SPIDR: variants seen among roughly 807,000 people sequenced by gnomAD.
The protein encoded by SPIDR is scaffold protein involved in DNA repair.
SPIDR carries 93 observed loss-of-function variants against 104.6 expected under a neutral mutation model. That is an observed-to-expected ratio of 0.89 (90% CI 0.75 to 1.06). SPIDR has a LOEUF of 1.06. SPIDR is among the 50% of genes least tolerant of loss of function. The pLI, the probability that SPIDR is intolerant of heterozygous loss-of-function variation, is 0.00. For synonymous variants in SPIDR, 431 were observed against 416.9 expected (o/e 1.03, Z -0.41); for missense variants, 1,154 against 1,111.2 (o/e 1.04, Z -0.55).
At chr8:47,327,583 G>T (rs2047903360) in intron 5 of SPIDR, among the ~76,000 whole-genome samples, 1 of 151,808 alleles carries the variant, frequency 6.6e-6, no homozygotes, top group Non-Finnish European at 1.5e-5. Context: ...TCCCCCTCGA[G>T]GCAGAGTCCT....
At position 47,434,111 on chromosome 8, in the gene SPIDR, A is replaced by G. The variant is rs541179266; in HGVS notation, c.878-6212A>G. On this transcript the variant is annotated intron_variant, in intron 7 of 19. Transcript: ENST00000297423. Reference sequence around the variant, plus strand: ...CTATTTCAAAAATAGTAAAATGTACACTGAATATATAGCATGGTAGTTTGG... The same window carrying G: ...CTATTTCAAAAATAGTAAAATGTACGCTGAATATATAGCATGGTAGTTTGG... Among the ~76,000 whole-genome samples, 4 of 152,352 alleles carry G rather than the reference A, an allele frequency of 2.6e-5. No individual in the cohort carries two copies. The South Asian group carries it at 8.3e-4, about 32-fold the overall frequency.
chr8:47,274,578 A>AT (rs199833655), intron 1 of SPIDR, among the ~76,000 whole-genome samples: 169 of 144,910 alleles, frequency 1.2e-3, no homozygotes, highest in East Asian at 1.8e-3. Context: ...TTTCCTCAGA[A>AT]TTTTTTTTTT....
chr8:47,430,959 A>G (rs2067256572), intron 7 of SPIDR, among the ~76,000 whole-genome samples: 1 of 152,202 alleles, frequency 6.6e-6, no homozygotes, highest in African/African-American at 2.4e-5. Context: ...ATGGCTGGTC[A>G]TCAGTGTCAG....
intron 5 of SPIDR, among the ~76,000 whole-genome samples, chr8:47,296,960 A>G (rs1403299579): frequency 5.3e-5 from 8 of 152,246 alleles, no homozygotes; most frequent in Non-Finnish European, 8.8e-5. Context: ...GCCTCCTTAA[A>G]TTTACTTCTA....
intron 5 of SPIDR, among the ~76,000 whole-genome samples, chr8:47,299,133 G>C (rs2041516051): frequency 6.6e-6 from 1 of 152,130 alleles, no homozygotes; most frequent in South Asian, 2.1e-4. Context: ...ATTTCATTGA[G>C]CAGTGGTTTG....
chr8:47,424,317 T>C (rs932835303), intron 7 of SPIDR, among the ~76,000 whole-genome samples: 4 of 152,184 alleles, frequency 2.6e-5, no homozygotes, highest in African/African-American at 4.8e-5. Flanking sequence ...TGTTCTTTTA[T>C]TTTTTTGAGT....
intron 4 of SPIDR, among the ~76,000 whole-genome samples, chr8:47,291,470 A>G (rs2039892511): frequency 6.6e-6 from 1 of 152,306 alleles, no homozygotes; most frequent in South Asian, 2.1e-4. Flanking sequence ...ACATGCAATT[A>G]CCATATAGCC....
chr8:47,336,488 G>T (rs1419905661), intron 5 of SPIDR, among the ~76,000 whole-genome samples: 1 of 152,116 alleles, frequency 6.6e-6, no homozygotes, highest in Non-Finnish European at 1.5e-5. Context: ...TTAGGTAGCA[G>T]GAAAAAATGT....
intron 7 of SPIDR, among the ~76,000 whole-genome samples, chr8:47,424,567 C>A (rs1354047833): frequency 6.6e-6 from 1 of 152,200 alleles, no homozygotes; most frequent in Non-Finnish European, 1.5e-5. Flanking sequence ...AACCTCCCTT[C>A]TCAGTCTCCC....
chr8:47,312,432 T>C (rs1252002246), intron 5 of SPIDR, among the ~76,000 whole-genome samples: 3 of 152,252 alleles, frequency 2.0e-5, no homozygotes, highest in African/African-American at 7.2e-5. Flanking sequence ...TGAGATGGTA[T>C]CTCATTATGG....
intron 8 of SPIDR, among the ~76,000 whole-genome samples, chr8:47,552,870 A>G (rs921990377): frequency 3.3e-5 from 5 of 152,092 alleles, no homozygotes; most frequent in Non-Finnish European, 7.4e-5. Flanking sequence ...GGTCTTTACA[A>G]TTTGGCATGT....
Position 47,451,631 on chromosome 8 carries a change from T to A in SPIDR, c.1097+11089T>A, listed in dbSNP as rs902771768. On this transcript the variant is annotated intron_variant, in intron 8 of 19. Coordinates refer to ENST00000297423, the MANE Select transcript of SPIDR (RefSeq NM_001080394.4). ...ACACTAGAAAGATTCCACAGAAGAT[T>A]TGAGGAGGCAGAACACAGGCTCATT... Among the ~76,000 whole-genome samples the A allele has an allele frequency of 2.0e-5, 3 of 151,048 alleles. No homozygotes were observed. The East Asian group carries it at 5.8e-4, about 29-fold the overall frequency.
intron 7 of SPIDR, among the ~76,000 whole-genome samples, chr8:47,423,652 T>C (rs1339658967): frequency 1.3e-5 from 2 of 152,092 alleles, no homozygotes; most frequent in African/African-American, 4.8e-5. Flanking sequence ...GCACAGATGT[T>C]GCACCCAAAG....
intron 10 of SPIDR, among the ~76,000 whole-genome samples, chr8:47,599,801 T>G (rs985434246): frequency 6.6e-6 from 1 of 152,208 alleles, no homozygotes; most frequent in Admixed American, 6.5e-5. Flanking sequence ...CAGAGAGGTT[T>G]GTTTGTTTAC....
rs149990202 is a variant in SPIDR at position 47,698,370 on chromosome 8, C to T, written c.1686-2033C>T. Among the ~76,000 whole-genome samples the T allele has an allele frequency of 6.6e-4, 100 of 152,294 alleles. 1 individual carries two copies. The East Asian group carries it at 0.018, about 28-fold the overall frequency. On this transcript the variant is annotated intron_variant, in intron 11 of 19. Coordinates refer to ENST00000297423, the MANE Select transcript of SPIDR (RefSeq NM_001080394.4). ...AGTGAGCTTCTACACCAAGTCTATG[C>T]CCAGCAGAGGCGGGAGTCATTTAAA...
intron 8 of SPIDR, among the ~76,000 whole-genome samples, chr8:47,552,916 G>T (rs1239952140): frequency 2.0e-5 from 3 of 152,146 alleles, no homozygotes; most frequent in Admixed American, 2.0e-4. Flanking sequence ...TCCTTTCCAT[G>T]TTTAGTGCTT....
At chr8:47,349,842 C>T (rs181342282) in intron 5 of SPIDR, among the ~76,000 whole-genome samples, 5 of 152,292 alleles carry the variant, frequency 3.3e-5, no homozygotes, top group East Asian at 1.9e-4. Flanking sequence ...AGTATTAGGG[C>T]GGGAGTGTCC....
At chr8:47,614,476 C>T (rs2064016417) in intron 10 of SPIDR, among the ~76,000 whole-genome samples, 1 of 152,166 alleles carries the variant, frequency 6.6e-6, no homozygotes, top group Non-Finnish European at 1.5e-5. Flanking sequence ...CCCACCTCGG[C>T]CTCCCAAAGT....
intron 8 of SPIDR, among the ~76,000 whole-genome samples, chr8:47,480,611 A>G (rs782110895): frequency 6.6e-6 from 1 of 152,218 alleles, no homozygotes; most frequent in Non-Finnish European, 1.5e-5. Context: ...CTGAAAGTGT[A>G]CAATCTGGGA....
Sources: allele counts gnomAD v4.1 joint callset (sites outside exome capture counted in the v4.1 genomes callset), GRCh38; gene constraint gnomAD v4.1.1; transcripts MANE v1.5; gene names NCBI Gene and HGNC (gene_info 2026-07-23, HGNC 2026-07-21).